Variants in EEF2K observed in about 807,000 individuals in gnomAD.
The protein encoded by EEF2K is eukaryotic elongation factor 2 kinase, also known as alternative protein EEF2K.
A neutral mutation model predicts 93.8 loss-of-function variants in EEF2K; 70 were observed. That is an observed-to-expected ratio of 0.75 (90% CI 0.62 to 0.91). The LOEUF is 0.91. EEF2K is among the 40% of genes least tolerant of loss of function. The probability of loss-of-function intolerance (pLI) is 0.00; values close to 1 mark genes in which losing one functional copy is unlikely to be tolerated. For synonymous variants in EEF2K, 376 were observed against 380.8 expected (o/e 0.99, Z 0.15); for missense variants, 935 against 972.9 (o/e 0.96, Z 0.52).
chr16:22,277,856 T>G (rs559195974), intron 16 of EEF2K, among the ~76,000 whole-genome samples: 1 of 151,718 alleles, frequency 6.6e-6, no homozygotes, highest in Admixed American at 6.6e-5. Context: ...AATATCAGTA[T>G]GCCAGCGTCT....
At chr16:22,245,934 G>A (rs1176621310) in intron 3 of EEF2K, among the ~76,000 whole-genome samples, 2 of 152,070 alleles carry the variant, frequency 1.3e-5, no homozygotes, top group African/African-American at 4.8e-5. Flanking sequence ...TCCTCTAATT[G>A]AAGGAATTAG....
At chr16:22,212,148 G>A (rs1404486681) in intron 1 of EEF2K, among the ~76,000 whole-genome samples, 1 of 152,150 alleles carries the variant, frequency 6.6e-6, no homozygotes, top group Non-Finnish European at 1.5e-5. Flanking sequence ...ATTCCAAAAT[G>A]CATTTTTCAG....
chr16:22,210,019 C>A (rs920752924), intron 1 of EEF2K, among the ~76,000 whole-genome samples: 2 of 152,168 alleles, frequency 1.3e-5, no homozygotes, highest in Admixed American at 6.5e-5. Flanking sequence ...TGGGCTTGAA[C>A]TCTGGGCTCA....
chr16:22,217,455 C>G (rs912441992), intron 1 of EEF2K, among the ~76,000 whole-genome samples: 3 of 151,986 alleles, frequency 2.0e-5, no homozygotes, highest in African/African-American at 7.2e-5. Context: ...CAAACCCTGG[C>G]TGGGTTTGGA....
At chr16:22,210,941 G>A (rs1317188241) in intron 1 of EEF2K, among the ~76,000 whole-genome samples, 2 of 152,216 alleles carry the variant, frequency 1.3e-5, no homozygotes. Context: ...CAGGATCACA[G>A]TGGAGAGGAA....
intron 1 of EEF2K, among the ~76,000 whole-genome samples, chr16:22,217,677 T>C (rs1218342575): frequency 6.6e-6 from 1 of 152,138 alleles, no homozygotes; most frequent in African/African-American, 2.4e-5. Context: ...GGTCTCGAAC[T>C]CCCGACCTCA....
rs1450497404 is a variant in EEF2K, at chr16:22,285,233, T to A, written c.*1237T>A. ...ATGTCTCTTATACAGTATTCCTTGG[T>A]GTTTTCTTAGTGTCTGGATGTTCTT... is the stretch of plus-strand genomic sequence containing the variant. On this transcript the variant is annotated 3_prime_UTR_variant, in exon 18 of 18. Transcript: ENST00000263026. 1 of 152,232 alleles carries A rather than the reference T, an allele frequency of 6.6e-6. No individual in the cohort carries two copies. The highest frequency in any genetic ancestry group is 1.9e-4 in the East Asian group (1 of 5,186). 9.4% of individuals were successfully genotyped at this position (152,232 alleles called of 1,614,324 possible).
At chr16:22,236,542 T>C (rs1385710469) in intron 2 of EEF2K, among the ~76,000 whole-genome samples, 1 of 152,062 alleles carries the variant, frequency 6.6e-6, no homozygotes, top group East Asian at 1.9e-4. Context: ...AAAAAAATGA[T>C]TTTATAACAT....
At chr16:22,277,167 T>A (rs1258764567) in intron 16 of EEF2K, among the ~76,000 whole-genome samples, 1 of 152,196 alleles carries the variant, frequency 6.6e-6, no homozygotes, top group Non-Finnish European at 1.5e-5. Flanking sequence ...GACACAATCT[T>A]GCTCTGTCAC....
At chr16:22,229,700 C>CA (rs1254755528) in intron 2 of EEF2K, among the ~76,000 whole-genome samples, 1 of 151,774 alleles carries the variant, frequency 6.6e-6, no homozygotes, top group Non-Finnish European at 1.5e-5. Context: ...GACTCCATCT[C>CA]AAAAAAAGAA....
intron 10 of EEF2K, 102 bp downstream of exon 10, chr16:22,258,797 G>A (rs980053968): frequency 1.3e-4 from 192 of 1,496,984 alleles, no homozygotes; most frequent in Non-Finnish European, 1.6e-4. Flanking sequence ...CATGCTAATC[G>A]AAAAGGTTCA....
At chr16:22,248,699 T>C in intron 3 of EEF2K, 56 bp from the exon 4 acceptor site, 1 of 1,602,146 alleles carries the variant, frequency 6.2e-7, no homozygotes, top group Non-Finnish European at 8.5e-7. Flanking sequence ...CTTTAGCCAG[T>C]GAGAAACAGG....
intron 1 of EEF2K, among the ~76,000 whole-genome samples, chr16:22,217,160 CAAAAAAAAAAA>C (rs59262131): frequency 1.3e-5 from 1 of 76,500 alleles, no homozygotes; most frequent in Non-Finnish European, 2.6e-5. Flanking sequence ...GACCCTGTCT[CAAAAAAAAAAA>C]AAAAAAAAAA....
chr16:22,244,501 C>T (rs998980118), intron 2 of EEF2K, 129 bp from the exon 3 acceptor site: 2 of 810,994 alleles, frequency 2.5e-6, no homozygotes, highest in African/African-American at 3.4e-5. Context: ...GGCTACTAGA[C>T]AGGAGTCTCT....
In EEF2K at chr16:22,237,382, A is replaced by T. The variant is rs547670974; in HGVS notation, c.247-7248A>T. Among the ~76,000 whole-genome samples, 257 of 152,152 alleles carry T rather than the reference A, an allele frequency of 1.7e-3. 2 individuals are homozygous for T. Among genetic ancestry groups the T allele is most frequent in the African/African-American group, 6.0e-3 (250 of 41,524 alleles). ...GCCAGGCGCAGTGGCTTATGTCTGTAATCCCAGCACTTTGGGAGGCCAAGA... is the reference window on the plus strand; with the variant it reads ...GCCAGGCGCAGTGGCTTATGTCTGTTATCCCAGCACTTTGGGAGGCCAAGA... On this transcript the variant is annotated intron_variant, in intron 2 of 17. Coordinates refer to ENST00000263026, the MANE Select transcript of EEF2K (RefSeq NM_013302.5).
intron 4 of EEF2K, 123 bp from the exon 5 acceptor site, chr16:22,250,531 A>C: frequency 8.6e-7 from 1 of 1,158,976 alleles, no homozygotes; most frequent in Non-Finnish European, 1.3e-6. Context: ...CAGGGATTTC[A>C]GGATTGAGAT....
In EEF2K at chr16:22,244,693, C is replaced by T. The variant is rs1216495814; in HGVS notation, c.310C>T (p.Leu104=). The change falls in exon 3 of 18, where the codon CTG becomes TTG. Residue 104 remains leucine, a synonymous_variant. Transcript: ENST00000263026. ...GCCCGACCCCTGGGCTGAGTTCCAC[C>T]TGGAAGATATTGCCACCGAACGTGC... ...HMPDPWAEFH[L]EDIATERATR... 6.2e-7 allele frequency: 1 copy of T among 1,614,074 alleles called. No homozygotes were observed.
chr16:22,288,679 T>C lies in EEF2K; in HGVS notation c.*4683T>C, dbSNP rs1240475395. 1.3e-5 allele frequency: 2 copies of C among 152,168 alleles called. No individual in the cohort carries two copies. The highest frequency in any genetic ancestry group is 2.9e-5 in the Non-Finnish European group (2 of 68,036). The allele number at this position is 152,168 out of a possible 1,614,324, so 9.4% of individuals were successfully genotyped here. On this transcript the variant is annotated 3_prime_UTR_variant, in exon 18 of 18. Transcript: ENST00000263026. The stretch of plus-strand genomic sequence containing the variant: ...AAGTGGCCTGCGTTACAGATTTATT[T>C]TGGCATATGTACTAAGTTCCATTTT...
chr16:22,230,654 T>C (rs1220843888), intron 2 of EEF2K, among the ~76,000 whole-genome samples: 1 of 152,174 alleles, frequency 6.6e-6, no homozygotes, highest in Non-Finnish European at 1.5e-5. Context: ...TCTGAGTAGC[T>C]AGGACCACAG....
Sources: gnomAD v4.1 joint callset for allele counts (sites outside exome capture counted in the v4.1 genomes callset) on GRCh38, gnomAD v4.1.1 for gene constraint, MANE v1.5 for transcripts, NCBI Gene and HGNC (gene_info 2026-07-23, HGNC 2026-07-21) for gene names.